The following UCN3 variants were observed in gnomAD, a reference collection of about 807,000 sequenced individuals.
UCN3 encodes the protein urocortin-3.
In UCN3, 3 loss-of-function variants were observed where a neutral mutation model predicts 3.6. The ratio of observed to expected loss-of-function variants is 0.83; its 90% CI spans 0.38 to 2.15. The LOEUF is 2.15. Among genes scored for constraint, UCN3 ranks in the 30% most tolerant of loss-of-function variants. The pLI is 0.06. For synonymous variants in UCN3, 100 were observed against 93.2 expected (o/e 1.07, Z -0.42); for missense variants, 206 against 208.3 (o/e 0.99, Z 0.07).
intron 1 of UCN3, among the ~76,000 whole-genome samples, chr10:5,370,859 G>GTGTGTATA (rs1554811424): frequency 8.8e-6 from 1 of 113,520 alleles, no homozygotes; most frequent in Non-Finnish European, 1.8e-5. Flanking sequence ...GCGCGTGTGT[G>GTGTGTATA]TGCGTGTGTA....
In UCN3 at chr10:5,366,563, C is replaced by T. The variant is rs1834119832; in HGVS notation, c.-7+1333C>T. ...GTTCCTTTTCTTTTATCCTATAAAC[C>T]CTAAACAAATCTAAACAGATCCTAA... On this transcript the variant is annotated intron_variant, in intron 1 of 1. Transcript: ENST00000380433. This position sits in a 1 kb window ranked among gnomAD's most constrained non-coding sequence, Gnocchi z 4.2. Among the ~76,000 whole-genome samples the T allele has an allele frequency of 6.6e-6, 1 of 151,996 alleles. No homozygotes were observed. Among genetic ancestry groups the T allele is most frequent in the South Asian group, 2.1e-4 (1 of 4,822 alleles).
rs559052092 is a variant in UCN3, at chr10:5,366,467, T to C, written c.-7+1237T>C. 1.2e-4 allele frequency among the ~76,000 whole-genome samples: 18 copies of C among 152,326 alleles called. No homozygotes were observed. The highest frequency in any genetic ancestry group is 4.3e-4 in the African/African-American group (18 of 41,582). On this transcript the variant is annotated intron_variant, in intron 1 of 1. Coordinates refer to ENST00000380433, the MANE Select transcript of UCN3 (RefSeq NM_053049.4). This position sits in a 1 kb window ranked among gnomAD's most constrained non-coding sequence, Gnocchi z 4.2. ...GAATATGGCAGAAGAGTCCAAGGAA[T>C]GTAAAAGGAGAAACTTGCAAAATTA...
At chr10:5,369,001 A>G (rs72780523) in intron 1 of UCN3, among the ~76,000 whole-genome samples, 33,900 of 152,070 alleles carry the variant, frequency 0.22, 4,064 homozygotes, top group Admixed American at 0.32. Flanking sequence ...TCTCAGGAGC[A>G]TCCAGACCCA....
intron 1 of UCN3, 44 bp from the exon 2 acceptor site, chr10:5,373,671 C>A: frequency 6.3e-7 from 1 of 1,585,576 alleles, no homozygotes; most frequent in Non-Finnish European, 8.6e-7. Flanking sequence ...CAGAGCACCA[C>A]GCCCCTCCCA....
Position 5,373,868 on chromosome 10 carries a change from G to C in UCN3, c.148G>C (p.Asp50His), listed in dbSNP as rs782650175. Residue 50 changes from aspartate to histidine, a missense_variant, in exon 2 of 2, where the codon GAT (aspartate) becomes CAT (histidine). By Grantham distance (81) the Asp-to-His change is moderately conservative. Coordinates refer to ENST00000380433, the MANE Select transcript of UCN3 (RefSeq NM_053049.4). Reference sequence around the variant, plus strand: ...TGAGGCTGAGAAGGGCCAGTGGGAGGATGCATCCCTGCTGAGCAAGAGGAG... The same window carrying C: ...TGAGGCTGAGAAGGGCCAGTGGGAGCATGCATCCCTGCTGAGCAAGAGGAG... Reference protein sequence around the residue: ...LSEAEKGQWEDASLLSKRSFH... With the variant: ...LSEAEKGQWEHASLLSKRSFH... The C allele has an allele frequency of 3.5e-5, 57 of 1,614,006 alleles. 3 individuals are homozygous for C. The South Asian group carries it at 5.9e-4, about 17-fold the overall frequency.
At position 5,374,150 on chromosome 10, in the gene UCN3, C is replaced by T. The variant is rs370726908; in HGVS notation, c.430C>T (p.Arg144Cys). 46 of 1,612,458 alleles carry T rather than the reference C, an allele frequency of 2.9e-5. 1 individual carries two copies. Among genetic ancestry groups the T allele is most frequent in the South Asian group, 9.9e-5 (9 of 90,996 alleles). The stretch of plus-strand genomic sequence containing the variant: ...CAACATCGCCAAGGCCAAGAACCTG[C>T]GTGCCCAGGCGGCCGCCAATGCCCA... ...LFNIAKAKNL[R>C]AQAAANAHLM... is the part of the protein sequence containing the mutation. Residue 144 changes from arginine to cysteine, a missense_variant, in exon 2 of 2, where the codon CGT becomes TGT. Coordinates refer to ENST00000380433, the MANE Select transcript of UCN3 (RefSeq NM_053049.4).
chr10:5,372,804 C>T (rs2119112785), intron 1 of UCN3, among the ~76,000 whole-genome samples: 1 of 151,890 alleles, frequency 6.6e-6, no homozygotes, highest in East Asian at 1.9e-4. Context: ...ATCCTCCCAC[C>T]TCGGCATCCC....
At chr10:5,369,786 A>C (rs2119099430) in intron 1 of UCN3, among the ~76,000 whole-genome samples, 2 of 152,336 alleles carry the variant, frequency 1.3e-5, no homozygotes, top group South Asian at 2.1e-4. Flanking sequence ...AAGAAAGGCA[A>C]CAGCTGCAAT....
In UCN3 at chr10:5,370,841, G is replaced by GCA. The variant is rs1831402726; in HGVS notation, c.-6-2874_-6-2873insCA. On this transcript the variant is annotated intron_variant, in intron 1 of 1. Transcript: ENST00000380433. The stretch of plus-strand genomic sequence containing the variant: ...TGTGTGTGCGCGCGTGTGTGTGCGC[G>GCA]TGTGTGTGCGCGTGTGTGTGCGTGT... Among the ~76,000 whole-genome samples, 2 of 59,988 alleles carry GCA rather than the reference G, an allele frequency of 3.3e-5. 1 individual carries two copies. The highest frequency in any genetic ancestry group is 1.5e-4 in the African/African-American group (2 of 13,558). The allele number at this position is 59,988 out of a possible 152,430, so 39.4% of individuals were successfully genotyped here.
intron 1 of UCN3, among the ~76,000 whole-genome samples, chr10:5,369,063 C>G (rs1554810956): frequency 6.6e-6 from 1 of 152,260 alleles, no homozygotes; most frequent in Admixed American, 6.5e-5. Flanking sequence ...TTGAACCGCG[C>G]CTTCACATGA....
intron 1 of UCN3, among the ~76,000 whole-genome samples, chr10:5,368,510 C>T (rs1453547355): frequency 6.6e-6 from 1 of 152,120 alleles, no homozygotes; most frequent in Non-Finnish European, 1.5e-5. Flanking sequence ...GGCGGTTAGG[C>T]ATGAGCTAGT....
rs1231247059 is a variant in UCN3, at chr10:5,365,984, A to T, written c.-7+754A>T. On this transcript the variant is annotated intron_variant, in intron 1 of 1. Transcript: ENST00000380433. The surrounding 1 kb of genome is among the most constrained non-coding windows in gnomAD (Gnocchi z 4.4). ...CCTGTTCGCAATTTCTTTCCCAAGCATAGCCACCTACCAAAAATAACAAAT... is the reference window on the plus strand; with the variant it reads ...CCTGTTCGCAATTTCTTTCCCAAGCTTAGCCACCTACCAAAAATAACAAAT... Among the ~76,000 whole-genome samples the T allele has an allele frequency of 3.3e-5, 5 of 152,210 alleles. No individual in the cohort carries two copies. The highest frequency in any genetic ancestry group is 1.2e-4 in the African/African-American group (5 of 41,446).
Position 5,373,798 on chromosome 10 carries a change from C to A in UCN3, c.78C>A (p.Phe26Leu). 6.2e-7 allele frequency: 1 copy of A among 1,614,032 alleles called. No homozygotes were observed. Among genetic ancestry groups the A allele is most frequent in the Non-Finnish European group, 8.5e-7 (1 of 1,179,958 alleles). The change falls in exon 2 of 2, where the codon TTC (phenylalanine) becomes TTA (leucine). Residue 26 changes from phenylalanine to leucine, a missense_variant. Coordinates refer to ENST00000380433, the MANE Select transcript of UCN3 (RefSeq NM_053049.4). ...GGPRTGLPHK[F>L]YKAKPIFSCL... is the part of the protein sequence containing the mutation. Reference sequence around the variant, plus strand: ...CCAGGACAGGCCTCCCCCACAAGTTCTACAAAGCCAAGCCCATCTTCAGCT... The same window carrying A: ...CCAGGACAGGCCTCCCCCACAAGTTATACAAAGCCAAGCCCATCTTCAGCT...
At chr10:5,369,519 C>G (rs1437856214) in intron 1 of UCN3, among the ~76,000 whole-genome samples, 1 of 152,124 alleles carries the variant, frequency 6.6e-6, no homozygotes, top group African/African-American at 2.4e-5. Flanking sequence ...AACCCTCAGG[C>G]AAATAAGGAA....
Position 5,366,804 on chromosome 10 carries a change from C to A in UCN3, c.-7+1574C>A, listed in dbSNP as rs1834121717. On this transcript the variant is annotated intron_variant, in intron 1 of 1. Transcript: ENST00000380433. This position sits in a 1 kb window ranked among gnomAD's most constrained non-coding sequence, Gnocchi z 4.2. Reference sequence around the variant, plus strand: ...CATCATTGCTGATGGTAAGGGGACACCTTTCAATACCCTCACAACCGTGTG... The same window carrying A: ...CATCATTGCTGATGGTAAGGGGACAACTTTCAATACCCTCACAACCGTGTG... Among the ~76,000 whole-genome samples the A allele has an allele frequency of 6.6e-6, 1 of 152,162 alleles. No individual in the cohort carries two copies. Among genetic ancestry groups the A allele is most frequent in the Non-Finnish European group, 1.5e-5 (1 of 68,032 alleles).
intron 1 of UCN3, among the ~76,000 whole-genome samples, chr10:5,370,261 GCGTGTGTA>G (rs1831351615): frequency 1.0e-5 from 1 of 98,528 alleles, no homozygotes; most frequent in African/African-American, 3.9e-5. Flanking sequence ...GTGTGTATAT[GCGTGTGTA>G]TATGCGTGTG....
At chr10:5,369,891 G>GTGTGTA (rs1167166450) in intron 1 of UCN3, among the ~76,000 whole-genome samples, 23 of 124,634 alleles carry the variant, frequency 1.8e-4, no homozygotes, top group African/African-American at 6.0e-4. Context: ...GTGTATATGT[G>GTGTGTA]TGTGTGTATA....
chr10:5,365,577 A>G lies in UCN3; in HGVS notation c.-7+347A>G, dbSNP rs1446327050. On this transcript the variant is annotated intron_variant, in intron 1 of 1. Coordinates refer to ENST00000380433, the MANE Select transcript of UCN3 (RefSeq NM_053049.4). The surrounding 1 kb of genome is among the most constrained non-coding windows in gnomAD (Gnocchi z 4.4). ...GTCAGTCCTCGGAGACAGTTTACAA[A>G]TGGGGATGGGGTAGGGATGCCGGGG... Among the ~76,000 whole-genome samples, 1 of 152,168 alleles carries G rather than the reference A, an allele frequency of 6.6e-6. No homozygotes were observed. The highest frequency in any genetic ancestry group is 2.4e-5 in the African/African-American group (1 of 41,428).
chr10:5,367,997 A>G lies in UCN3; in HGVS notation c.-7+2767A>G, dbSNP rs918300188. ...CAGGGTTGCATCTCAGCACCCTCTA[A>G]TTTTTTTAATTTATTTATTTTTTTG... On this transcript the variant is annotated intron_variant, in intron 1 of 1. Transcript: ENST00000380433. The surrounding 1 kb of genome is among the most constrained non-coding windows in gnomAD (Gnocchi z 4.3). Among the ~76,000 whole-genome samples the G allele has an allele frequency of 4.0e-5, 6 of 151,784 alleles. No individual in the cohort carries two copies. The highest frequency in any genetic ancestry group is 7.4e-5 in the Non-Finnish European group (5 of 67,938).
Sources: gnomAD v4.1 joint callset for allele counts (sites outside exome capture counted in the v4.1 genomes callset) on GRCh38, gnomAD v4.1.1 for gene constraint, Gnocchi (gnomAD v3.1) non-coding constraint, MANE v1.5 for transcripts, NCBI Gene and HGNC (gene_info 2026-07-23, HGNC 2026-07-21) for gene names.